Variants in SLC13A3 observed in about 807,000 individuals in gnomAD.
SLC13A3 encodes solute carrier family 13 member 3.
A neutral mutation model predicts 59.0 loss-of-function variants in SLC13A3; 40 were observed. The ratio of observed to expected loss-of-function variants is 0.68; its 90% CI spans 0.53 to 0.88. The LOEUF (loss-of-function observed/expected upper bound fraction) is 0.88. Ranked by LOEUF, SLC13A3 falls within the 40% of genes least tolerant of loss-of-function variation. The pLI, the probability that SLC13A3 is intolerant of heterozygous loss-of-function variation, is 0.00. For missense variants in SLC13A3, 699 were observed against 783.2 expected (o/e 0.89, Z 1.28); for synonymous variants, 317 against 330.3 (o/e 0.96, Z 0.44).
intron 1 of SLC13A3, among the ~76,000 whole-genome samples, chr20:46,641,549 C>G (rs1256451266): frequency 6.6e-6 from 1 of 152,092 alleles, no homozygotes; most frequent in Non-Finnish European, 1.5e-5. Context: ...CCATTGGAGC[C>G]AAGGCCTAAA....
intron 4 of SLC13A3, among the ~76,000 whole-genome samples, chr20:46,597,568 C>T (rs1478583252): frequency 2.6e-5 from 4 of 152,162 alleles, no homozygotes; most frequent in Non-Finnish European, 5.9e-5. Context: ...TCCCGAGTAA[C>T]TGAGATTATA....
chr20:46,646,905 C>A (rs1017024630), intron 1 of SLC13A3, among the ~76,000 whole-genome samples: 2 of 152,100 alleles, frequency 1.3e-5, no homozygotes, highest in Non-Finnish European at 2.9e-5. Context: ...GTTCTGATTC[C>A]AAAGCCTCAA....
intron 3 of SLC13A3, chr20:46,600,567 A>G (rs1451278169): frequency 4.4e-6 from 2 of 451,748 alleles, no homozygotes; most frequent in South Asian, 3.3e-5. Flanking sequence ...TTGACAACCC[A>G]TAACTCAAGC....
chr20:46,601,071 G>A (rs1046355735), intron 3 of SLC13A3, among the ~76,000 whole-genome samples: 2 of 152,112 alleles, frequency 1.3e-5, no homozygotes, highest in African/African-American at 4.8e-5. Context: ...ATGAAGAACT[G>A]AGGAAGCCCA....
chr20:46,615,238 T>G (rs191083194), intron 1 of SLC13A3, among the ~76,000 whole-genome samples: 1 of 152,326 alleles, frequency 6.6e-6, no homozygotes, highest in Admixed American at 6.5e-5. Context: ...TTTTCTTGGA[T>G]TTGGTCCTGT....
At chr20:46,674,586 AGTGCGCGCGCGCGCGCGCGT>A (rs1345336693), upstream of SLC13A3, among the ~76,000 whole-genome samples, 10 of 117,646 alleles carry the variant, frequency 8.5e-5, no homozygotes, top group African/African-American at 3.7e-4. Context: ...GTAGGTGGGG[AGTGCGCGCGCGCGCGCGCGT>A]GTGTGTGTGT....
chr20:46,558,621 C>T lies in SLC13A3; in HGVS notation c.*1401G>A, dbSNP rs1044351122. The stretch of plus-strand genomic sequence containing the variant: ...GTGCTCACTTGGAAAGGAGGTGGAG[C>T]TCAACTTCCAACTCAGAGGGCCTCT... On this transcript the variant is annotated 3_prime_UTR_variant, in exon 13 of 13. Transcript: ENST00000279027. 1 of 152,184 alleles carries T rather than the reference C, an allele frequency of 6.6e-6. No individual in the cohort carries two copies. Among genetic ancestry groups the T allele is most frequent in the African/African-American group, 2.4e-5 (1 of 41,424 alleles). The allele number at this position is 152,184 out of a possible 1,614,324, so 9.4% of individuals were successfully genotyped here. A position where few individuals can be genotyped will look rare whatever the true frequency, so the allele number is the denominator to read the frequency against.
chr20:46,589,743 T>C (rs893926764), intron 6 of SLC13A3, among the ~76,000 whole-genome samples: 4 of 151,920 alleles, frequency 2.6e-5, no homozygotes, highest in African/African-American at 7.3e-5. Flanking sequence ...GACTGAATAG[T>C]GGGGGAAGGA....
intron 6 of SLC13A3, among the ~76,000 whole-genome samples, chr20:46,589,861 A>C (rs2062236363): frequency 1.3e-5 from 2 of 152,232 alleles, no homozygotes; most frequent in Admixed American, 6.5e-5. Context: ...AAATGGATTG[A>C]AGACCTAAAT....
chr20:46,658,159 G>T (rs1204221554), intron 1 of SLC13A3, among the ~76,000 whole-genome samples: 1 of 151,818 alleles, frequency 6.6e-6, no homozygotes, highest in Non-Finnish European at 1.5e-5. Flanking sequence ...TTGCTGCTGG[G>T]TGGTAGTTAC....
Position 46,559,523 on chromosome 20 carries a change from A to G in SLC13A3, c.*499T>C, listed in dbSNP as rs2061912862. 1 of 152,644 alleles carries G rather than the reference A, an allele frequency of 6.6e-6. No individual in the cohort carries two copies. Among genetic ancestry groups the G allele is most frequent in the African/African-American group, 2.4e-5 (1 of 41,478 alleles). 9.5% of individuals were successfully genotyped at this position (152,644 alleles called of 1,614,324 possible). On this transcript the variant is annotated 3_prime_UTR_variant, in exon 13 of 13. Coordinates refer to ENST00000279027, the MANE Select transcript of SLC13A3 (RefSeq NM_022829.6). The stretch of plus-strand genomic sequence containing the variant: ...AACAACTGGTGCAGAATGGGCACCA[A>G]CTAAGCAAAATCACACACTGGTTGT...
intron 1 of SLC13A3, among the ~76,000 whole-genome samples, chr20:46,624,354 G>GTAT (rs1165586984): frequency 6.6e-6 from 1 of 152,216 alleles, no homozygotes; most frequent in Non-Finnish European, 1.5e-5. Context: ...CTGTACCTGT[G>GTAT]TATTATCTCA....
intron 9 of SLC13A3, among the ~76,000 whole-genome samples, chr20:46,579,029 A>G (rs1217255193): frequency 1.3e-5 from 2 of 152,186 alleles, no homozygotes; most frequent in Non-Finnish European, 2.9e-5. Flanking sequence ...AGACCCACAA[A>G]AGAATAGTGG....
At chr20:46,612,075 T>C (rs2062501371) in intron 2 of SLC13A3, among the ~76,000 whole-genome samples, 1 of 151,888 alleles carries the variant, frequency 6.6e-6, no homozygotes, top group Non-Finnish European at 1.5e-5. Context: ...TTTCTTTTTT[T>C]TCTTTCTGTC....
intron 1 of SLC13A3, among the ~76,000 whole-genome samples, chr20:46,679,771 G>C (rs2063145256): frequency 6.6e-6 from 1 of 152,174 alleles, no homozygotes; most frequent in African/African-American, 2.4e-5. Context: ...AGCTGGGCGT[G>C]GTGGTGGGCA....
intron 3 of SLC13A3, among the ~76,000 whole-genome samples, chr20:46,604,827 T>G (rs999282729): frequency 1.3e-5 from 2 of 152,170 alleles, no homozygotes; most frequent in Non-Finnish European, 2.9e-5. Flanking sequence ...GAGGGACTAT[T>G]AATAGCACAC....
intron 11 of SLC13A3, among the ~76,000 whole-genome samples, chr20:46,565,902 A>G (rs1303388064): frequency 2.0e-5 from 3 of 152,096 alleles, no homozygotes; most frequent in Admixed American, 2.0e-4. Context: ...AATTTCTCCT[A>G]TGGCCATTTG....
intron 1 of SLC13A3, among the ~76,000 whole-genome samples, chr20:46,659,714 C>T (rs1206171578): frequency 1.4e-5 from 2 of 139,850 alleles, no homozygotes; most frequent in Admixed American, 7.2e-5. Context: ...AGACCCTATC[C>T]CCCCCCCCCA....
At chr20:46,677,592 G>C (rs905685853) in intron 1 of SLC13A3, among the ~76,000 whole-genome samples, 1 of 152,156 alleles carries the variant, frequency 6.6e-6, no homozygotes, top group African/African-American at 2.4e-5. Context: ...AGAGACTATG[G>C]GTGAAACCAG....
Sources: allele counts gnomAD v4.1 joint callset (sites outside exome capture counted in the v4.1 genomes callset), GRCh38; gene constraint gnomAD v4.1.1; transcripts MANE v1.5; gene names NCBI Gene and HGNC (gene_info 2026-07-23, HGNC 2026-07-21).